LHFPL3: variants seen among roughly 807,000 people sequenced by gnomAD.
LHFPL3 encodes LHFPL tetraspan subfamily member 3 protein.
LHFPL3 carries 5 observed loss-of-function variants against 19.3 expected under a neutral mutation model. The observed-to-expected ratio is 0.26, with a 90% CI of 0.14 to 0.54. The LOEUF is 0.54. Ranked by LOEUF, LHFPL3 falls within the 20% of genes least tolerant of loss-of-function variation. The probability of loss-of-function intolerance (pLI) is 0.94; values close to 1 mark genes in which losing one functional copy is unlikely to be tolerated. For missense variants in LHFPL3, 249 were observed against 307.4 expected, an observed-to-expected ratio of 0.81 and a Z score of 1.42; for synonymous variants, 133 against 126.2, an observed-to-expected ratio of 1.05 and a Z score of -0.36.
chr7:104,664,521 A>T (rs1051452553), intron 1 of LHFPL3, among the ~76,000 whole-genome samples: 4 of 152,148 alleles, frequency 2.6e-5, no homozygotes, highest in Non-Finnish European at 4.4e-5. Flanking sequence ...ACTATCCCCT[A>T]TGGCAGGGGT....
chr7:104,751,333 C>A (rs986346091), intron 2 of LHFPL3, among the ~76,000 whole-genome samples: 18 of 151,566 alleles, frequency 1.2e-4, no homozygotes, highest in African/African-American at 4.4e-4. Flanking sequence ...CAGGGTAGGG[C>A]TCTTTTGAAC....
At chr7:104,562,009 C>T (rs1222194743) in intron 1 of LHFPL3, among the ~76,000 whole-genome samples, 1 of 152,058 alleles carries the variant, frequency 6.6e-6, no homozygotes, top group East Asian at 1.9e-4. Flanking sequence ...TGACTATTGG[C>T]CCCCACTCTC....
chr7:104,880,948 A>G (rs1301363848), intron 2 of LHFPL3, among the ~76,000 whole-genome samples: 1 of 152,110 alleles, frequency 6.6e-6, no homozygotes, highest in Admixed American at 6.6e-5. Context: ...AGGCGGGTGA[A>G]TCACGAGGTC....
chr7:104,483,147 G>A (rs1007852400), intron 1 of LHFPL3, among the ~76,000 whole-genome samples: 8 of 152,152 alleles, frequency 5.3e-5, no homozygotes, highest in African/African-American at 1.9e-4. Context: ...TTTAAAAAAT[G>A]GAAGTTCTAG....
intron 2 of LHFPL3, among the ~76,000 whole-genome samples, chr7:104,879,647 C>T (rs1792011065): frequency 6.6e-6 from 1 of 152,240 alleles, no homozygotes; most frequent in Non-Finnish European, 1.5e-5. Flanking sequence ...ATTACTTAAG[C>T]CCAGGAGATC....
chr7:104,536,811 C>T (rs1279689494), intron 1 of LHFPL3, among the ~76,000 whole-genome samples: 2 of 152,148 alleles, frequency 1.3e-5, no homozygotes, highest in Non-Finnish European at 2.9e-5. Flanking sequence ...GAAGCTCTTC[C>T]ACTAATTCAA....
At chr7:104,536,049 T>C (rs958076494) in intron 1 of LHFPL3, among the ~76,000 whole-genome samples, 3 of 152,210 alleles carry the variant, frequency 2.0e-5, no homozygotes, top group Non-Finnish European at 4.4e-5. Context: ...CTGTGACCCA[T>C]GCCCTCCACA....
chr7:104,623,751 GT>G (rs1342646952), intron 1 of LHFPL3, among the ~76,000 whole-genome samples: 1 of 152,178 alleles, frequency 6.6e-6, no homozygotes, highest in Non-Finnish European at 1.5e-5. Flanking sequence ...GAGAAGCAAG[GT>G]TCCTGGCCCA....
intron 1 of LHFPL3, among the ~76,000 whole-genome samples, chr7:104,342,117 G>A (rs1789970035): frequency 6.6e-6 from 1 of 152,110 alleles, no homozygotes; most frequent in Admixed American, 6.6e-5. Flanking sequence ...TCCCCATCAG[G>A]TCATTTTGGT....
intron 1 of LHFPL3, among the ~76,000 whole-genome samples, chr7:104,667,264 T>TGGTG (rs1792372936): frequency 2.7e-5 from 4 of 148,072 alleles, no homozygotes; most frequent in Admixed American, 2.7e-4. Context: ...TCTGTTTTCT[T>TGGTG]GGGGGGGGGA....
chr7:104,785,141 T>G (rs796215349), intron 2 of LHFPL3: 9 of 152,312 alleles, frequency 5.9e-5, no homozygotes, highest in African/African-American at 2.2e-4. Context: ...CCTTTCTTTC[T>G]TCTAATAGTG....
intron 1 of LHFPL3, among the ~76,000 whole-genome samples, chr7:104,391,908 G>T (rs1791078502): frequency 6.6e-6 from 1 of 152,100 alleles, no homozygotes; most frequent in African/African-American, 2.4e-5. Flanking sequence ...CACATCCCTT[G>T]TAAGTTGGAT....
chr7:104,864,026 A>G (rs1003944289), intron 2 of LHFPL3, among the ~76,000 whole-genome samples: 3 of 152,244 alleles, frequency 2.0e-5, no homozygotes, highest in Admixed American at 6.5e-5. Flanking sequence ...TTAACACTGT[A>G]TAACTGTTAG....
intron 2 of LHFPL3, among the ~76,000 whole-genome samples, chr7:104,758,339 C>T (rs752364927): frequency 6.6e-6 from 1 of 151,972 alleles, no homozygotes; most frequent in Non-Finnish European, 1.5e-5. Context: ...TGCACATGTA[C>T]CCCCGAATCT....
chr7:104,405,274 C>G (rs1050248016), intron 1 of LHFPL3, among the ~76,000 whole-genome samples: 1 of 152,130 alleles, frequency 6.6e-6, no homozygotes, highest in Non-Finnish European at 1.5e-5. Flanking sequence ...ACTGTTTTTC[C>G]TAACTAATAT....
At chr7:104,598,451 A>T (rs1790905398) in intron 1 of LHFPL3, among the ~76,000 whole-genome samples, 1 of 152,220 alleles carries the variant, frequency 6.6e-6, no homozygotes, top group Non-Finnish European at 1.5e-5. Context: ...TCTTGAAGAC[A>T]AAGCACAGTC....
chr7:104,644,033 G>A (rs1370683771), intron 1 of LHFPL3, among the ~76,000 whole-genome samples: 1 of 152,198 alleles, frequency 6.6e-6, no homozygotes, highest in South Asian at 2.1e-4. Context: ...ACTCTATGGG[G>A]AGAGTATAGC....
chr7:104,346,007 C>A (rs1222955811), intron 1 of LHFPL3, among the ~76,000 whole-genome samples: 1 of 150,734 alleles, frequency 6.6e-6, no homozygotes, highest in Non-Finnish European at 1.5e-5. Context: ...CTCAGTCTTG[C>A]ATGCTTTTAA....
At chr7:104,549,443 A>G (rs957667369) in intron 1 of LHFPL3, among the ~76,000 whole-genome samples, 5 of 130,720 alleles carry the variant, frequency 3.8e-5, no homozygotes, top group African/African-American at 1.6e-4. Context: ...ACATGCCCTT[A>G]ACCCAACACA....
Sources: gnomAD v4.1 joint callset for allele counts (sites outside exome capture counted in the v4.1 genomes callset) on GRCh38, gnomAD v4.1.1 for gene constraint, MANE v1.5 for transcripts, NCBI Gene and HGNC (gene_info 2026-07-23, HGNC 2026-07-21) for gene names.